SPRING1: variants seen among roughly 807,000 people sequenced by gnomAD.
SPRING1 encodes SREBF pathway regulator in golgi 1.
A neutral mutation model predicts 24.7 loss-of-function variants in SPRING1; 14 were observed. The ratio of observed to expected loss-of-function variants is 0.57; its 90% CI spans 0.37 to 0.88. The LOEUF is 0.88. Among genes scored for constraint, SPRING1 ranks in the 40% least tolerant of loss-of-function variants. SPRING1 has a pLI of 0.00. For synonymous variants in SPRING1, 93 were observed against 106.1 expected (o/e 0.88, Z 0.76); for missense variants, 255 against 268.4 (o/e 0.95, Z 0.35).
At position 116,723,048 on chromosome 12, in the gene SPRING1, G is replaced by A; in HGVS notation, c.268+19C>T. ...CCTACGCTCCTGACCGCCTGGAGAGGAAGGGAAGCCAGCCTCACCGAGTTC... is the reference window on the plus strand; with the variant it reads ...CCTACGCTCCTGACCGCCTGGAGAGAAAGGGAAGCCAGCCTCACCGAGTTC... On this transcript the variant is annotated intron_variant, in intron 2 of 4. Coordinates refer to ENST00000261318, the MANE Select transcript of SPRING1 (RefSeq NM_024738.4). 1.2e-6 allele frequency: 2 copies of A among 1,612,212 alleles called. No homozygotes were observed. Among genetic ancestry groups the A allele is most frequent in the Non-Finnish European group, 1.7e-6 (2 of 1,179,992 alleles).
rs1441763029 is a variant in SPRING1, at chr12:116,715,235, A to G, written c.*2575T>C. On this transcript the variant is annotated 3_prime_UTR_variant, in exon 5 of 5. Transcript: ENST00000261318. ...AGGCATAAGCCACCACGCCCCACCA[A>G]TGAAATGTTTTCTAAAGGTGTTTTC... The G allele has an allele frequency of 2.6e-5, 4 of 152,294 alleles. No homozygotes were observed. The highest frequency in any genetic ancestry group is 2.1e-4 in the South Asian group (1 of 4,832). The allele number at this position is 152,294 out of a possible 1,614,324, so 9.4% of individuals were successfully genotyped here.
intron 1 of SPRING1, among the ~76,000 whole-genome samples, chr12:116,730,444 T>C (rs1190966065): frequency 2.0e-5 from 3 of 152,148 alleles, no homozygotes; most frequent in Non-Finnish European, 4.4e-5. Context: ...CCTCAGGTGA[T>C]CCACCCATCT....
At chr12:116,737,302 G>C (rs1402190595) in intron 1 of SPRING1, among the ~76,000 whole-genome samples, 1 of 152,054 alleles carries the variant, frequency 6.6e-6, no homozygotes, top group Non-Finnish European at 1.5e-5. Context: ...TCGGACAAAC[G>C]CGAGGAGTAA....
At chr12:116,725,224 C>T (rs1322952845) in intron 1 of SPRING1, among the ~76,000 whole-genome samples, 1 of 152,200 alleles carries the variant, frequency 6.6e-6, no homozygotes, top group Non-Finnish European at 1.5e-5. Context: ...AAATTGAGCA[C>T]TGTTCTAAGT....
At chr12:116,721,072 T>G (rs1241668034) in intron 2 of SPRING1, among the ~76,000 whole-genome samples, 2 of 152,152 alleles carry the variant, frequency 1.3e-5, no homozygotes, top group African/African-American at 4.8e-5. Flanking sequence ...GAAAAAAACC[T>G]CTTAATCCCC....
intron 1 of SPRING1, among the ~76,000 whole-genome samples, chr12:116,731,040 C>T (rs1162239433): frequency 1.3e-5 from 2 of 152,244 alleles, no homozygotes; most frequent in East Asian, 3.8e-4. Flanking sequence ...AGCTCTTCCT[C>T]AAGACACCCA....
chr12:116,736,136 G>C (rs1349220283), intron 1 of SPRING1, among the ~76,000 whole-genome samples: 1 of 150,462 alleles, frequency 6.6e-6, no homozygotes, highest in Non-Finnish European at 1.5e-5. Context: ...ATATCAACTA[G>C]GCAATTGGAT....
rs1455303946 is a variant in SPRING1 at position 116,715,311 on chromosome 12, G to C, written c.*2499C>G. The C allele has an allele frequency of 6.6e-6, 1 of 152,012 alleles. No individual in the cohort carries two copies. Among genetic ancestry groups the C allele is most frequent in the Non-Finnish European group, 1.5e-5 (1 of 68,030 alleles). 9.4% of individuals were successfully genotyped at this position (152,012 alleles called of 1,614,324 possible). ...CCAAGGTGTATCACACACTTCGCTG[G>C]GCTCTGGGCAAACAAAACTTAGACA... On this transcript the variant is annotated 3_prime_UTR_variant, in exon 5 of 5. Coordinates refer to ENST00000261318, the MANE Select transcript of SPRING1 (RefSeq NM_024738.4).
At chr12:116,736,043 A>ATT (rs1566063072) in intron 1 of SPRING1, among the ~76,000 whole-genome samples, 1 of 34,404 alleles carries the variant, frequency 2.9e-5, no homozygotes, top group Non-Finnish European at 6.7e-5. Context: ...AGTCTTTAAA[A>ATT]AAAAAAAAAA....
intron 1 of SPRING1, among the ~76,000 whole-genome samples, chr12:116,735,949 G>A (rs1341046600): frequency 6.8e-6 from 1 of 146,774 alleles, no homozygotes; most frequent in Non-Finnish European, 1.5e-5. Flanking sequence ...GCTGAGGCAG[G>A]AGAATCATTT....
At chr12:116,724,221 C>T (rs1305133884) in intron 1 of SPRING1, among the ~76,000 whole-genome samples, 1 of 152,112 alleles carries the variant, frequency 6.6e-6, no homozygotes, top group African/African-American at 2.4e-5. Flanking sequence ...GATGAAGAAG[C>T]TTATATACTT....
rs2137029947 is a variant in SPRING1, at chr12:116,717,933, C to T, written c.535-40G>A. The T allele has an allele frequency of 1.4e-6, 2 of 1,436,638 alleles. No homozygotes were observed. The highest frequency in any genetic ancestry group is 2.1e-5 in the Admixed American group (1 of 48,724). The allele number at this position is 1,436,638 out of a possible 1,614,324, so 89.0% of individuals were successfully genotyped here. ...AAAATAAGAGCGCAGTGAGAGCGAG[C>T]ACAGCTTCACACACCTCCCTCTCGG... On this transcript the variant is annotated intron_variant, in intron 4 of 4. Transcript: ENST00000261318. This position sits in a 1 kb window ranked among gnomAD's most constrained non-coding sequence, Gnocchi z 4.2.
chr12:116,723,711 G>A (rs1870550999), intron 1 of SPRING1, among the ~76,000 whole-genome samples: 1 of 152,178 alleles, frequency 6.6e-6, no homozygotes. Context: ...GGTACTTTGG[G>A]TGGAAGACGT....
chr12:116,723,522 G>A (rs1027916315), intron 1 of SPRING1, among the ~76,000 whole-genome samples: 3 of 152,174 alleles, frequency 2.0e-5, no homozygotes, highest in Non-Finnish European at 4.4e-5. Flanking sequence ...AATTGGAGAG[G>A]AAAAGTTTTG....
chr12:116,717,919 G>T lies in SPRING1; in HGVS notation c.535-26C>A, dbSNP rs745638178. On this transcript the variant is annotated intron_variant, in intron 4 of 4. Transcript: ENST00000261318. This position sits in a 1 kb window ranked among gnomAD's most constrained non-coding sequence, Gnocchi z 4.2. ...CTGTTGGCAAAAGGAAAATAAGAGC[G>T]CAGTGAGAGCGAGCACAGCTTCACA... is the stretch of plus-strand genomic sequence containing the variant. 2 of 1,554,512 alleles carry T rather than the reference G, an allele frequency of 1.3e-6. No homozygotes were observed. Among genetic ancestry groups the T allele is most frequent in the African/African-American group, 2.7e-5 (2 of 73,772 alleles).
chr12:116,711,542 AAAG>A lies in SPRING1; in HGVS notation c.*6265_*6267del. On this transcript the variant is annotated 3_prime_UTR_variant, in exon 5 of 5. Coordinates refer to ENST00000261318, the MANE Select transcript of SPRING1 (RefSeq NM_024738.4). ...GGAACGAGAATCCGTTTCAAAAAAA[AAAG>A]AATAGTGAGATGTGACCAACATAGC... 1 of 152,310 alleles carries A rather than the reference AAAG, an allele frequency of 6.6e-6. No individual in the cohort carries two copies. Among genetic ancestry groups the A allele is most frequent in the South Asian group, 2.1e-4 (1 of 4,824 alleles). The allele number at this position is 152,310 out of a possible 1,614,324, so 9.4% of individuals were successfully genotyped here. A position where few individuals can be genotyped will look rare whatever the true frequency, so the allele number is the denominator to read the frequency against.
rs911818545 is a variant in SPRING1 at position 116,715,085 on chromosome 12, C to T, written c.*2725G>A. On this transcript the variant is annotated 3_prime_UTR_variant, in exon 5 of 5. Transcript: ENST00000261318. ...AGAGTCTCACAAAAACAGGCACACGCCCCCACACCCGGCTAATTTTTGTAT... is the reference window on the plus strand; with the variant it reads ...AGAGTCTCACAAAAACAGGCACACGTCCCCACACCCGGCTAATTTTTGTAT... 5 of 151,870 alleles carry T rather than the reference C, an allele frequency of 3.3e-5. No individual in the cohort carries two copies. The highest frequency in any genetic ancestry group is 1.2e-4 in the African/African-American group (5 of 41,348). The allele number at this position is 151,870 out of a possible 1,614,324, so 9.4% of individuals were successfully genotyped here.
Position 116,720,408 on chromosome 12 carries a change from C to T in SPRING1, c.308G>A (p.Cys103Tyr). 1 of 1,614,182 alleles carries T rather than the reference C, an allele frequency of 6.2e-7. No individual in the cohort carries two copies. Among genetic ancestry groups the T allele is most frequent in the Non-Finnish European group, 8.5e-7 (1 of 1,180,030 alleles). ...CGTGCTAGGGACGTTGACATTACAG[C>T]AGCCATTTACCAGCAAATCCTTCCT... ...CERKDLLVNG[C>Y]CNVNVPSTKQ... The change falls in exon 3 of 5, where the codon TGC becomes TAC. Residue 103 changes from cysteine (C) to tyrosine (Y), a missense_variant. Physicochemically the swap from Cys to Tyr is radical, Grantham distance 194. Transcript: ENST00000261318. This position sits in a 1 kb window ranked among gnomAD's most constrained non-coding sequence, Gnocchi z 4.0.
chr12:116,725,660 C>A (rs529311939), intron 1 of SPRING1, among the ~76,000 whole-genome samples: 1 of 152,064 alleles, frequency 6.6e-6, no homozygotes, highest in Non-Finnish European at 1.5e-5. Context: ...CCAAGGCGGG[C>A]GGATCACGAG....
Sources: gnomAD v4.1 joint callset for allele counts (sites outside exome capture counted in the v4.1 genomes callset) on GRCh38, gnomAD v4.1.1 for gene constraint, Gnocchi (gnomAD v3.1) non-coding constraint, MANE v1.5 for transcripts, NCBI Gene and HGNC (gene_info 2026-07-23, HGNC 2026-07-21) for gene names.